The following DOCK3 variants were observed in gnomAD, a reference collection of about 807,000 sequenced individuals.
DOCK3 encodes dedicator of cytokinesis 3.
A neutral mutation model predicts 265.6 loss-of-function variants in DOCK3; 60 were observed. The ratio of observed to expected loss-of-function variants is 0.23; its 90% confidence interval spans 0.18 to 0.28. DOCK3 has a LOEUF of 0.28. Among genes scored for constraint, DOCK3 ranks in the 10% least tolerant of loss-of-function variants. The probability of loss-of-function intolerance (pLI) is 1.00; values close to 1 mark genes in which losing one functional copy is unlikely to be tolerated. For missense variants in DOCK3, 1,981 were observed against 2,594.3 expected, an observed-to-expected ratio of 0.76 and a Z score of 5.14; for synonymous variants, 881 against 938.0, an observed-to-expected ratio of 0.94 and a Z score of 1.11.
intron 1 of DOCK3, among the ~76,000 whole-genome samples, chr3:50,756,408 G>C (rs2040166412): frequency 6.6e-6 from 1 of 152,130 alleles, no homozygotes; most frequent in Admixed American, 6.5e-5. Context: ...GGGCATGTAG[G>C]GGGGTTCTCC....
intron 5 of DOCK3, among the ~76,000 whole-genome samples, chr3:50,989,559 C>A (rs1416609324): frequency 6.6e-6 from 1 of 152,128 alleles, no homozygotes; most frequent in African/African-American, 2.4e-5. Context: ...TCTTACATAC[C>A]CACCTTTGAA....
rs28552475 is a variant in DOCK3 at position 51,078,702 on chromosome 3, T to C, written c.549+3262T>C. 2.8e-3 allele frequency among the ~76,000 whole-genome samples: 426 copies of C among 152,238 alleles called. 3 individuals are homozygous for C. Among genetic ancestry groups the C allele is most frequent in the African/African-American group, 9.8e-3 (408 of 41,558 alleles). On this transcript the variant is annotated intron_variant, in intron 7 of 52. Coordinates refer to ENST00000266037, the MANE Select transcript of DOCK3 (RefSeq NM_004947.5). Reference sequence around the variant, plus strand: ...TTACTCAGCCACATTATAAATCAAGTGGGAGAGTAGCCTAAAGAAAATTTT... The same window carrying C: ...TTACTCAGCCACATTATAAATCAAGCGGGAGAGTAGCCTAAAGAAAATTTT...
At chr3:51,144,142 CTA>C (rs1246046447) in intron 9 of DOCK3, among the ~76,000 whole-genome samples, 1 of 152,166 alleles carries the variant, frequency 6.6e-6, no homozygotes, top group Non-Finnish European at 1.5e-5. Flanking sequence ...AATTAATTGA[CTA>C]TGTGTATGTG....
chr3:51,182,219 G>A (rs1176662482), intron 12 of DOCK3, among the ~76,000 whole-genome samples: 1 of 152,110 alleles, frequency 6.6e-6, no homozygotes, highest in Non-Finnish European at 1.5e-5. Flanking sequence ...ATGACCTCGG[G>A]CAAGGGTTTT....
At chr3:50,720,238 A>G (rs1382790835) in intron 1 of DOCK3, among the ~76,000 whole-genome samples, 5 of 152,044 alleles carry the variant, frequency 3.3e-5, no homozygotes, top group Non-Finnish European at 5.9e-5. Flanking sequence ...TTCGTCACCC[A>G]GGTAGTAAAC....
rs75595893 is a variant in DOCK3 at position 50,744,368 on chromosome 3, C to T, written c.38-34307C>T. 6.1e-3 allele frequency among the ~76,000 whole-genome samples: 922 copies of T among 151,932 alleles called. 26 individuals are homozygous for T. The highest frequency in any genetic ancestry group is 0.043 in the East Asian group (224 of 5,188). On this transcript the variant is annotated intron_variant, in intron 1 of 52. Coordinates refer to ENST00000266037, the MANE Select transcript of DOCK3 (RefSeq NM_004947.5). ...AATCTGATGTCATGAATATTTGCCC[C>T]TATGTTTTCTTCTAGGAGACTTATA... is the stretch of plus-strand genomic sequence containing the variant.
At chr3:51,025,190 G>A (rs1203267207) in intron 5 of DOCK3, among the ~76,000 whole-genome samples, 1 of 152,156 alleles carries the variant, frequency 6.6e-6, no homozygotes, top group Non-Finnish European at 1.5e-5. Flanking sequence ...AATACCACCA[G>A]GTTGGGTCAG....
intron 4 of DOCK3, among the ~76,000 whole-genome samples, chr3:50,914,835 CA>C (rs1405346667): frequency 6.6e-6 from 1 of 152,084 alleles, no homozygotes; most frequent in African/African-American, 2.4e-5. Context: ...GCTTTTCCCA[CA>C]ATGGGGAGAC....
In DOCK3 at chr3:51,017,101, C is replaced by A. The variant is rs564128818; in HGVS notation, c.316-47347C>A. On this transcript the variant is annotated intron_variant, in intron 5 of 52. Transcript: ENST00000266037. ...GTTTTGGATTTCTTCATGGTTCAAT[C>A]TTTGTAGGTTGTATGTGTCTAGGAA... Among the ~76,000 whole-genome samples the A allele has an allele frequency of 1.8e-4, 27 of 148,882 alleles. 1 individual carries two copies. The highest frequency in any genetic ancestry group is 6.7e-4 in the African/African-American group (27 of 40,206).
chr3:50,872,041 C>G (rs1443656005), intron 3 of DOCK3, among the ~76,000 whole-genome samples: 2 of 152,064 alleles, frequency 1.3e-5, no homozygotes, highest in East Asian at 3.9e-4. Context: ...GTTCCTGGTG[C>G]CTTATTTAGT....
At chr3:50,918,319 C>T (rs1005273586) in intron 4 of DOCK3, among the ~76,000 whole-genome samples, 3 of 152,140 alleles carry the variant, frequency 2.0e-5, no homozygotes, top group African/African-American at 7.2e-5. Context: ...GTTCTAGATC[C>T]TTGAGGAATC....
chr3:51,268,162 AAGATT>A (rs1192460884), intron 23 of DOCK3, among the ~76,000 whole-genome samples: 1 of 152,220 alleles, frequency 6.6e-6, no homozygotes, highest in African/African-American at 2.4e-5. Flanking sequence ...ACTTCAAAAA[AAGATT>A]AGATTAGATT....
intron 51 of DOCK3, 84 bp from the exon 52 acceptor site, chr3:51,380,041 T>C: frequency 7.4e-7 from 1 of 1,351,260 alleles, no homozygotes; most frequent in South Asian, 1.3e-5. Context: ...TTCTCATGCC[T>C]GCCCAGTTGG....
At chr3:51,071,779 C>T (rs1464757737) in intron 6 of DOCK3, among the ~76,000 whole-genome samples, 1 of 152,100 alleles carries the variant, frequency 6.6e-6, no homozygotes, top group African/African-American at 2.4e-5. Flanking sequence ...TCCCTGCATT[C>T]GATGTTCACT....
chr3:51,083,673 A>G (rs1197375300), intron 7 of DOCK3, among the ~76,000 whole-genome samples: 1 of 152,208 alleles, frequency 6.6e-6, no homozygotes, highest in Non-Finnish European at 1.5e-5. Flanking sequence ...TCAACAATAG[A>G]TGAAATCAAG....
At chr3:50,862,509 GC>G (rs2046965106) in intron 3 of DOCK3, among the ~76,000 whole-genome samples, 1 of 149,766 alleles carries the variant, frequency 6.7e-6, no homozygotes, top group African/African-American at 2.4e-5. Context: ...GTTGGAGTGT[GC>G]TTAAGTTCTT....
At chr3:50,909,599 C>T (rs1004971332) in intron 4 of DOCK3, among the ~76,000 whole-genome samples, 4 of 147,614 alleles carry the variant, frequency 2.7e-5, no homozygotes, top group Non-Finnish European at 4.4e-5. Context: ...GGTGGGCTTT[C>T]CTTTGTAGAT....
chr3:50,708,972 A>G (rs1480621959), intron 1 of DOCK3, among the ~76,000 whole-genome samples: 1 of 152,186 alleles, frequency 6.6e-6, no homozygotes, highest in Non-Finnish European at 1.5e-5. Context: ...GAAGCCCACC[A>G]TCATCTCTCT....
At chr3:50,809,249 A>G (rs1206454260) in intron 2 of DOCK3, among the ~76,000 whole-genome samples, 10 of 152,220 alleles carry the variant, frequency 6.6e-5, no homozygotes, top group Admixed American at 6.5e-4. Context: ...ATAATCTAAT[A>G]GAAGAGCAGG....
Sources: gnomAD v4.1 joint callset for allele counts (sites outside exome capture counted in the v4.1 genomes callset) on GRCh38, gnomAD v4.1.1 for gene constraint, MANE v1.5 for transcripts, NCBI Gene and HGNC (gene_info 2026-07-23, HGNC 2026-07-21) for gene names.